IL1R2: variants seen among roughly 807,000 people sequenced by gnomAD.
IL1R2 encodes the protein interleukin 1 receptor type 2.
Under a neutral mutation model 39.5 loss-of-function variants are expected in IL1R2, and 46 were observed. The observed-to-expected ratio is 1.16, with a 90% confidence interval of 0.92 to 1.49. The LOEUF is 1.49. Among genes scored for constraint, IL1R2 ranks in the 40% most tolerant of loss-of-function variants. IL1R2 has a pLI of 0.00. For synonymous variants in IL1R2, 207 were observed against 189.6 expected, an observed-to-expected ratio of 1.09 and a Z score of -0.75; for missense variants, 537 against 502.0, an observed-to-expected ratio of 1.07 and a Z score of -0.67.
chr2:101,992,046 GGAGAGAGAGAGAGAAA>G (rs1675349188), intron 1 of IL1R2, 35 bp downstream of exon 1: 1 of 150,852 alleles, frequency 6.6e-6, no homozygotes. Context: ...AAGAGGCTTT[GGAGAGAGAGAGAGAAA>G]GAGAGAGAGG....
At chr2:102,019,437 A>C (rs2072482) in intron 4 of IL1R2, among the ~76,000 whole-genome samples, 24,127 of 152,084 alleles carry the variant, frequency 0.16, 2,227 homozygotes, top group East Asian at 0.28. Context: ...AAATCTAGCA[A>C]TTTTATTTGT....
rs369134425 is a variant in IL1R2, at chr2:102,022,225, C to A, written c.727C>A (p.Leu243Ile). Residue 243 changes from leucine to isoleucine, a missense_variant, in exon 6 of 9, where the codon CTC becomes ATC. Coordinates refer to ENST00000332549, the MANE Select transcript of IL1R2 (RefSeq NM_004633.4). The part of the protein sequence containing the change: ...EETIPVIISP[L>I]KTISASLGSR... ...GACCATTCCTGTGATCATTTCCCCCCTCAAGACCATATCAGCTTCTCTGGG... is the reference window on the plus strand; with the variant it reads ...GACCATTCCTGTGATCATTTCCCCCATCAAGACCATATCAGCTTCTCTGGG... 1 of 1,613,808 alleles carries A rather than the reference C, an allele frequency of 6.2e-7. No individual in the cohort carries two copies. The highest frequency in any genetic ancestry group is 1.3e-5 in the African/African-American group (1 of 75,048).
At chr2:102,006,839 G>A (rs1676296016) in intron 1 of IL1R2, among the ~76,000 whole-genome samples, 1 of 152,202 alleles carries the variant, frequency 6.6e-6, no homozygotes, top group African/African-American at 2.4e-5. Flanking sequence ...TTGCTGTGTC[G>A]GATGGAATGT....
intron 1 of IL1R2, among the ~76,000 whole-genome samples, chr2:101,992,693 A>T (rs1172280201): frequency 4.6e-5 from 7 of 152,074 alleles, no homozygotes; most frequent in Admixed American, 3.9e-4. Flanking sequence ...ACAGAGACCA[A>T]GACAGAGGGA....
intron 1 of IL1R2, among the ~76,000 whole-genome samples, chr2:101,993,181 C>G (rs1445057908): frequency 2.6e-5 from 4 of 152,080 alleles, no homozygotes; most frequent in Non-Finnish European, 5.9e-5. Context: ...TGTGGATTCT[C>G]TAATGCCTGG....
Position 102,019,742 on chromosome 2 carries a change from C to T in IL1R2, c.618C>T (p.Arg206=), listed in dbSNP as rs1272798577. ...CCCTGGAAGATGCTGGCTATTACCG[C>T]TGTGTCCTGACATTTGCCCATGAAG... ...DVALEDAGYY[R]CVLTFAHEGQ... The change falls in exon 5 of 9, where the codon CGC becomes CGT. Residue 206 remains arginine, a synonymous_variant. Transcript: ENST00000332549. 1 of 1,614,200 alleles carries T rather than the reference C, an allele frequency of 6.2e-7. No homozygotes were observed. The highest frequency in any genetic ancestry group is 8.5e-7 in the Non-Finnish European group (1 of 1,180,018).
intron 4 of IL1R2, among the ~76,000 whole-genome samples, chr2:102,018,371 C>T (rs1202366934): frequency 6.6e-6 from 1 of 152,216 alleles, no homozygotes; most frequent in African/African-American, 2.4e-5. Context: ...ATCTGTTGTG[C>T]AGCCGTGGCC....
At chr2:102,028,116 C>G in intron 8 of IL1R2, 110 bp from the exon 9 acceptor site, 1 of 906,574 alleles carries the variant, frequency 1.1e-6, no homozygotes, top group South Asian at 2.6e-5. Flanking sequence ...GCACATTTAT[C>G]AAGAAAAACA....
intron 1 of IL1R2, among the ~76,000 whole-genome samples, chr2:102,006,887 G>A (rs1376153953): frequency 1.3e-5 from 2 of 152,210 alleles, no homozygotes; most frequent in African/African-American, 2.4e-5. Context: ...GTGTGGCCTC[G>A]TGTGTGCTTT....
chr2:102,021,483 T>C (rs1207619134), intron 5 of IL1R2, among the ~76,000 whole-genome samples: 1 of 152,092 alleles, frequency 6.6e-6, no homozygotes, highest in African/African-American at 2.4e-5. Flanking sequence ...GCCCAGCTAA[T>C]TTTTGTATTT....
intron 5 of IL1R2, chr2:102,021,975 C>A: frequency 1.8e-6 from 1 of 556,832 alleles, no homozygotes. Flanking sequence ...TGGCTGTGGC[C>A]TCTTCCAGTA....
At chr2:102,022,747 A>G (rs2072474) in intron 6 of IL1R2, among the ~76,000 whole-genome samples, 37,144 of 152,130 alleles carry the variant, frequency 0.24, 5,686 homozygotes, top group African/African-American at 0.44. Context: ...AAAATGACCA[A>G]TGGGGCTTTC....
chr2:102,011,338 T>C (rs180767504), intron 3 of IL1R2, among the ~76,000 whole-genome samples: 1 of 152,374 alleles, frequency 6.6e-6, no homozygotes, highest in Admixed American at 6.5e-5. Flanking sequence ...GGCTGTACCA[T>C]TTTTCATTCC....
rs55723899 is a variant in IL1R2 at position 101,996,505 on chromosome 2, T to TTTTTG, written c.-62+4494_-62+4495insTTTTG. Among the ~76,000 whole-genome samples, 664 of 137,238 alleles carry TTTTTG rather than the reference T, an allele frequency of 4.8e-3. 2 individuals are homozygous for TTTTTG. The highest frequency in any genetic ancestry group is 7.1e-3 in the Non-Finnish European group (458 of 64,412). The allele number at this position is 137,238 out of a possible 152,430, so 90.0% of individuals were successfully genotyped here. On this transcript the variant is annotated intron_variant, in intron 1 of 8. Transcript: ENST00000332549. Reference sequence around the variant, plus strand: ...TCAGTGTTTTTTTTTTTTTTTTTTTTGGGGGGGAGAATGGCTGACTTCTTG... The same window carrying TTTTTG: ...TCAGTGTTTTTTTTTTTTTTTTTTTTTTTTGGGGGGGGAGAATGGCTGACTTCTTG...
At chr2:101,992,346 G>A (rs1357627695) in intron 1 of IL1R2, among the ~76,000 whole-genome samples, 1 of 151,478 alleles carries the variant, frequency 6.6e-6, no homozygotes, top group Non-Finnish European at 1.5e-5. Flanking sequence ...GAGACAGAGA[G>A]AGACAGAGAA....
intron 1 of IL1R2, among the ~76,000 whole-genome samples, chr2:102,007,227 C>T (rs540852290): frequency 3.0e-4 from 45 of 152,270 alleles, no homozygotes; most frequent in African/African-American, 1.1e-3. Flanking sequence ...TCTGACACTC[C>T]AGTCTTTGGG....
rs148258277 is a variant in IL1R2 at position 102,028,309 on chromosome 2, C to T, written c.1114C>T (p.Arg372Trp). ...LVLGGIWMHR[R>W]CKHRTGKADG... ...TTTGGGGGGAATATGGATGCACAGACGGTGCAAACACAGAACTGGAAAAGC... is the reference window on the plus strand; with the variant it reads ...TTTGGGGGGAATATGGATGCACAGATGGTGCAAACACAGAACTGGAAAAGC... Residue 372 changes from arginine (R) to tryptophan (W), a missense_variant, in exon 9 of 9, where the codon CGG becomes TGG. Physicochemically the swap from Arg to Trp is moderately radical, Grantham distance 101 (BLOSUM62 -3). Transcript: ENST00000332549. 3.0e-4 allele frequency: 480 copies of T among 1,612,572 alleles called. 3 individuals carry two copies. The East Asian group carries it at 7.3e-3, about 24-fold the overall frequency.
In IL1R2 at chr2:102,024,652, A is replaced by C; in HGVS notation, c.871A>C (p.Thr291Pro). 6.2e-7 allele frequency: 1 copy of C among 1,613,850 alleles called. No individual in the cohort carries two copies. Among genetic ancestry groups the C allele is most frequent in the Non-Finnish European group, 8.5e-7 (1 of 1,179,818 alleles). Residue 291 changes from threonine (T) to proline (P), a missense_variant, in exon 7 of 9, where the codon ACC becomes CCC. Coordinates refer to ENST00000332549, the MANE Select transcript of IL1R2 (RefSeq NM_004633.4). ...GAGCGCCTACCCGGGAGGCCGCGTG[A>C]CCGAGGGGCCACGCCAGTAAGTGGG... is the stretch of plus-strand genomic sequence containing the variant. ...IESAYPGGRV[T>P]EGPRQEYSEN...
chr2:102,021,636 C>G (rs1275916121), intron 5 of IL1R2, among the ~76,000 whole-genome samples: 1 of 152,210 alleles, frequency 6.6e-6, no homozygotes, highest in African/African-American at 2.4e-5. Flanking sequence ...TACGTTGGCT[C>G]TAATCCCTTG....
Sources: gnomAD v4.1 joint callset for allele counts (sites outside exome capture counted in the v4.1 genomes callset) on GRCh38, gnomAD v4.1.1 for gene constraint, MANE v1.5 for transcripts, NCBI Gene and HGNC (gene_info 2026-07-23, HGNC 2026-07-21) for gene names.